KREMEN2: variants seen among roughly 807,000 people sequenced by gnomAD.
KREMEN2 encodes the protein kremen protein 2.
In KREMEN2, 43 loss-of-function variants were observed where a neutral mutation model predicts 49.8. The ratio of observed to expected loss-of-function variants is 0.86; its 90% CI spans 0.68 to 1.11. The LOEUF (loss-of-function observed/expected upper bound fraction) is 1.11, where lower values mean the gene tolerates loss of function less well. KREMEN2 is among the 50% of genes most tolerant of loss of function. The pLI, the probability that KREMEN2 is intolerant of heterozygous loss-of-function variation, is 0.00. For synonymous variants in KREMEN2, 355 were observed against 304.9 expected, an observed-to-expected ratio of 1.16 and a Z score of -1.71; for missense variants, 686 against 665.7, an observed-to-expected ratio of 1.03 and a Z score of -0.34.
chr16:2,966,939 A>G lies in KREMEN2; in HGVS notation c.670A>G (p.Thr224Ala). The change falls in exon 6 of 9, where the codon ACA becomes GCA. Residue 224 changes from threonine (T) to alanine (A), a missense_variant. By Grantham distance (58) the Thr-to-Ala change is moderately conservative. Transcript: ENST00000303746. The surrounding 1 kb of genome is among the most constrained non-coding windows in gnomAD (Gnocchi z 8.4). The stretch of plus-strand genomic sequence containing the variant: ...GGTGGGCTCCTGCCAGGGGAACTGG[A>G]CAGCGCCTCAGGGCGTCATCTACTC... ...VSVGSCQGNW[T>A]APQGVIYSPD... 2 of 1,554,850 alleles carry G rather than the reference A, an allele frequency of 1.3e-6. No individual in the cohort carries two copies. Among genetic ancestry groups the G allele is most frequent in the Non-Finnish European group, 1.7e-6 (2 of 1,148,530 alleles).
chr16:2,967,683 G>A (rs1596431208), intron 8 of KREMEN2, 79 bp downstream of exon 8: 3 of 1,546,138 alleles, frequency 1.9e-6, no homozygotes, highest in Non-Finnish European at 2.6e-6. Flanking sequence ...GAGCTAGGAA[G>A]GAACTCCTGG....
In KREMEN2 at chr16:2,968,242, T is replaced by TG; in HGVS notation, c.*227dup. On this transcript the variant is annotated 3_prime_UTR_variant, in exon 9 of 9. Transcript: ENST00000303746. The stretch of plus-strand genomic sequence containing the variant: ...CAGGCCCTCTCCATGGACCTGTATG[T>TG]GGGGGTGGTCTCTGGTTTCGGAGGT... 1.0e-6 allele frequency: 1 copy of TG among 966,826 alleles called. No individual in the cohort carries two copies. Among genetic ancestry groups the TG allele is most frequent in the South Asian group, 1.5e-5 (1 of 66,872 alleles). The allele number at this position is 966,826 out of a possible 1,614,324, so 59.9% of individuals were successfully genotyped here. A position where few individuals can be genotyped will look rare whatever the true frequency, so the allele number is the denominator to read the frequency against.
At chr16:2,965,112 G>A in intron 2 of KREMEN2, 79 bp downstream of exon 2, 1 of 1,271,180 alleles carries the variant, frequency 7.9e-7, no homozygotes, top group African/African-American at 1.6e-5. Context: ...CTCCGTGCGG[G>A]CGGGGTGGAG....
Position 2,968,114 on chromosome 16 carries a change from G to T in KREMEN2, c.*94G>T. 7.6e-7 allele frequency: 1 copy of T among 1,309,664 alleles called. No homozygotes were observed. The highest frequency in any genetic ancestry group is 1.1e-6 in the Non-Finnish European group (1 of 943,478). 81.1% of individuals were successfully genotyped at this position (1,309,664 alleles called of 1,614,324 possible). The stretch of plus-strand genomic sequence containing the variant: ...CTGCCTCGGCCTTGCGCCTGTGTAG[G>T]GGCAGCTCGGCCTCTGGTCGCCTTG... On this transcript the variant is annotated 3_prime_UTR_variant, in exon 9 of 9. Transcript: ENST00000303746.
chr16:2,967,400 G>C lies in KREMEN2; in HGVS notation c.1054G>C (p.Val352Leu), dbSNP rs2071850260. ...CGCGGCGCCCCTCGACGGGGCCAACGTGAGCTGCAGCCCCAGGCCTGGGGC... is the reference window on the plus strand; with the variant it reads ...CGCGGCGCCCCTCGACGGGGCCAACCTGAGCTGCAGCCCCAGGCCTGGGGC... ...TPAAPLDGANVSCSPRPGAPP... is the reference protein window; with the variant it reads ...TPAAPLDGANLSCSPRPGAPP... Residue 352 changes from valine to leucine, a missense_variant, in exon 7 of 9, where the codon GTG becomes CTG. Val to Leu is a conservative substitution (Grantham distance 32, BLOSUM62 1). Transcript: ENST00000303746. 7.2e-7 allele frequency: 1 copy of C among 1,397,588 alleles called. No individual in the cohort carries two copies. The highest frequency in any genetic ancestry group is 9.2e-7 in the Non-Finnish European group (1 of 1,088,310). 86.6% of individuals were successfully genotyped at this position (1,397,588 alleles called of 1,614,324 possible). A position where few individuals can be genotyped will look rare whatever the true frequency, so the allele number is the denominator to read the frequency against.
Position 2,966,251 on chromosome 16 carries a change from A to G in KREMEN2, c.361+20A>G. The G allele has an allele frequency of 1.2e-6, 2 of 1,613,362 alleles. No individual in the cohort carries two copies. The highest frequency in any genetic ancestry group is 2.2e-5 in the South Asian group (2 of 91,054). On this transcript the variant is annotated intron_variant, in intron 3 of 8. Coordinates refer to ENST00000303746, the MANE Select transcript of KREMEN2 (RefSeq NM_172229.3). This position sits in a 1 kb window ranked among gnomAD's most constrained non-coding sequence, Gnocchi z 8.4. ...GTCACAGTGAGTAGCGCGGCTGGACAGAGGTGGGAACGCTGCTGCATCTGG... is the reference window on the plus strand; with the variant it reads ...GTCACAGTGAGTAGCGCGGCTGGACGGAGGTGGGAACGCTGCTGCATCTGG...
chr16:2,967,147 C>T lies in KREMEN2; in HGVS notation c.878C>T (p.Pro293Leu). 1 of 1,389,642 alleles carries T rather than the reference C, an allele frequency of 7.2e-7. No individual in the cohort carries two copies. 86.1% of individuals were successfully genotyped at this position (1,389,642 alleles called of 1,614,324 possible). The stretch of plus-strand genomic sequence containing the variant: ...GCCTTCGATGGCGCCCGCCCACCGC[C>T]GTCCGGGCCGCTGCGCCTGGGCACT... ...LRAFDGARPP[P>L]SGPLRLGTAA... Residue 293 changes from proline to leucine, a missense_variant, in exon 6 of 9, where the codon CCG (proline) becomes CTG (leucine). Coordinates refer to ENST00000303746, the MANE Select transcript of KREMEN2 (RefSeq NM_172229.3).
chr16:2,966,007 G>T lies in KREMEN2; in HGVS notation c.270-133G>T, dbSNP rs2071809232. The T allele has an allele frequency of 2.8e-6, 2 of 719,620 alleles. No individual in the cohort carries two copies. The highest frequency in any genetic ancestry group is 2.6e-5 in the Admixed American group (1 of 39,038). The allele number at this position is 719,620 out of a possible 1,614,324, so 44.6% of individuals were successfully genotyped here. ...GCGTAGACAAAACTGGAATTTGTGG[G>T]TGTACAGCAGGCAGCACAGCCGCTC... is the stretch of plus-strand genomic sequence containing the variant. On this transcript the variant is annotated intron_variant, in intron 2 of 8. Transcript: ENST00000303746. This position sits in a 1 kb window ranked among gnomAD's most constrained non-coding sequence, Gnocchi z 8.4.
chr16:2,967,922 T>C lies in KREMEN2; in HGVS notation c.1291T>C (p.Ser431Pro). 6.4e-7 allele frequency: 1 copy of C among 1,573,952 alleles called. No homozygotes were observed. Residue 431 changes from serine to proline, a missense_variant, in exon 9 of 9, where the codon TCC (serine) becomes CCC (proline). Physicochemically the swap from Ser to Pro is moderately conservative, Grantham distance 74 (BLOSUM62 -1). Coordinates refer to ENST00000303746, the MANE Select transcript of KREMEN2 (RefSeq NM_172229.3). ...QQPRGVALPCSPGDPQAEGSA... is the reference protein window; with the variant it reads ...QQPRGVALPCPPGDPQAEGSA... ...GCCCCGAGGGGTGGCCTTGCCCTGC[T>C]CCCCCGGGGACCCCCAGGCTGAGGG...
chr16:2,967,013 C>G lies in KREMEN2; in HGVS notation c.744C>G (p.Ala248=), dbSNP rs762738520. 4 of 1,547,570 alleles carry G rather than the reference C, an allele frequency of 2.6e-6. No homozygotes were observed. The African/African-American group carries it at 5.5e-5, about 21-fold the overall frequency. ...GGCCGGACCGGAACTGCAGCTGGGC[C>G]CTGGGCCCGCCAGGCGCCGCGCTGG... ...EYGPDRNCSW[A]LGPPGAALEL... Residue 248 remains alanine (A), a synonymous_variant, in exon 6 of 9, where the codon GCC becomes GCG. Coordinates refer to ENST00000303746, the MANE Select transcript of KREMEN2 (RefSeq NM_172229.3).
chr16:2,968,104 G>A lies in KREMEN2; in HGVS notation c.*84G>A. 2.2e-6 allele frequency: 3 copies of A among 1,370,076 alleles called. No individual in the cohort carries two copies. Among genetic ancestry groups the A allele is most frequent in the Non-Finnish European group, 2.0e-6 (2 of 997,692 alleles). The allele number at this position is 1,370,076 out of a possible 1,614,324, so 84.9% of individuals were successfully genotyped here. A position where few individuals can be genotyped will look rare whatever the true frequency, so the allele number is the denominator to read the frequency against. The stretch of plus-strand genomic sequence containing the variant: ...GTGCTGCGCCCTGCCTCGGCCTTGC[G>A]CCTGTGTAGGGGCAGCTCGGCCTCT... On this transcript the variant is annotated 3_prime_UTR_variant, in exon 9 of 9. Coordinates refer to ENST00000303746, the MANE Select transcript of KREMEN2 (RefSeq NM_172229.3).
rs759793413 is a variant in KREMEN2, at chr16:2,966,597, C to T, written c.487-45C>T. On this transcript the variant is annotated intron_variant, in intron 4 of 8. Transcript: ENST00000303746. This position sits in a 1 kb window ranked among gnomAD's most constrained non-coding sequence, Gnocchi z 8.4. ...GACCCCAGGCCCCCACCACTTCACC[C>T]CTACCCCAGCCCCTGCCCTGGGGTC... The T allele has an allele frequency of 1.3e-6, 2 of 1,587,460 alleles. No individual in the cohort carries two copies. The highest frequency in any genetic ancestry group is 1.7e-6 in the Non-Finnish European group (2 of 1,171,184).
Position 2,966,824 on chromosome 16 carries a change from G to A in KREMEN2, c.640+29G>A. On this transcript the variant is annotated intron_variant, in intron 5 of 8. Transcript: ENST00000303746. This position sits in a 1 kb window ranked among gnomAD's most constrained non-coding sequence, Gnocchi z 8.4. The stretch of plus-strand genomic sequence containing the variant: ...AGGAGTGGGCGGGGACCAGGGGCCT[G>A]GGCGGGCCTCGAGGTGGGGCCTGGC... 13 of 1,603,282 alleles carry A rather than the reference G, an allele frequency of 8.1e-6. No homozygotes were observed. Among genetic ancestry groups the A allele is most frequent in the Non-Finnish European group, 1.1e-5 (13 of 1,175,606 alleles).
Position 2,968,159 on chromosome 16 carries a change from A to G in KREMEN2, c.*139A>G, listed in dbSNP as rs2071879528. ...GCCTTGGGGAGACCAAAAGTCGGACAGGAAACATCTGGTGCTATTATCTGG... is the reference window on the plus strand; with the variant it reads ...GCCTTGGGGAGACCAAAAGTCGGACGGGAAACATCTGGTGCTATTATCTGG... On this transcript the variant is annotated 3_prime_UTR_variant, in exon 9 of 9. Transcript: ENST00000303746. The G allele has an allele frequency of 1.0e-6, 1 of 1,003,870 alleles. No individual in the cohort carries two copies. Among genetic ancestry groups the G allele is most frequent in the Non-Finnish European group, 1.5e-6 (1 of 669,066 alleles). The allele number at this position is 1,003,870 out of a possible 1,614,324, so 62.2% of individuals were successfully genotyped here.
rs1157647447 is a variant in KREMEN2, at chr16:2,965,034, G to T, written c.269+1G>T. The T allele has an allele frequency of 1.3e-6, 2 of 1,534,130 alleles. No individual in the cohort carries two copies. The highest frequency in any genetic ancestry group is 1.7e-6 in the Non-Finnish European group (2 of 1,143,510). On this transcript the variant is annotated splice_donor_variant, in intron 2 of 8. Coordinates refer to ENST00000303746, the MANE Select transcript of KREMEN2 (RefSeq NM_172229.3). LOFTEE classifies it high-confidence loss of function. ...GGCTGGGCGCGCACAACTTCTGCCG[G>T]TGAGGGGCGGGGCCTGCGCTGGGGG...
In KREMEN2 at chr16:2,967,156, C is replaced by A; in HGVS notation, c.887C>A (p.Pro296Gln). The A allele has an allele frequency of 7.2e-7, 1 of 1,385,946 alleles. No homozygotes were observed. The highest frequency in any genetic ancestry group is 9.3e-7 in the Non-Finnish European group (1 of 1,078,902). The allele number at this position is 1,385,946 out of a possible 1,614,324, so 85.9% of individuals were successfully genotyped here. ...FDGARPPPSGPLRLGTAALLL... is the reference protein window; with the variant it reads ...FDGARPPPSGQLRLGTAALLL... ...GGCGCCCGCCCACCGCCGTCCGGGCCGCTGCGCCTGGGCACTGCCGCGCTG... is the reference window on the plus strand; with the variant it reads ...GGCGCCCGCCCACCGCCGTCCGGGCAGCTGCGCCTGGGCACTGCCGCGCTG... The change falls in exon 6 of 9, where the codon CCG (proline) becomes CAG (glutamine). Residue 296 changes from proline to glutamine, a missense_variant. Coordinates refer to ENST00000303746, the MANE Select transcript of KREMEN2 (RefSeq NM_172229.3).
At position 2,965,018 on chromosome 16, in the gene KREMEN2, C is replaced by T; in HGVS notation, c.254C>T (p.Ala85Val). The change falls in exon 2 of 9, where the codon GCG becomes GTG. Residue 85 changes from alanine (A) to valine (V), a missense_variant. Coordinates refer to ENST00000303746, the MANE Select transcript of KREMEN2 (RefSeq NM_172229.3). ...SDPHGRWGLG[A>V]HNFCRNPDGD... ...CCCCACGGCCGCTGGGGGCTGGGCG[C>T]GCACAACTTCTGCCGGTGAGGGGCG... 5.2e-6 allele frequency: 8 copies of T among 1,546,576 alleles called. No homozygotes were observed. Among genetic ancestry groups the T allele is most frequent in the Non-Finnish European group, 7.0e-6 (8 of 1,148,474 alleles).
In KREMEN2 at chr16:2,968,158, C is replaced by T; in HGVS notation, c.*138C>T. 1.0e-6 allele frequency: 1 copy of T among 1,001,950 alleles called. No individual in the cohort carries two copies. 62.1% of individuals were successfully genotyped at this position (1,001,950 alleles called of 1,614,324 possible). ...CGCCTTGGGGAGACCAAAAGTCGGA[C>T]AGGAAACATCTGGTGCTATTATCTG... On this transcript the variant is annotated 3_prime_UTR_variant, in exon 9 of 9. Transcript: ENST00000303746.
At position 2,968,143 on chromosome 16, in the gene KREMEN2, A is replaced by C; in HGVS notation, c.*123A>C. 1 of 1,102,060 alleles carries C rather than the reference A, an allele frequency of 9.1e-7. No individual in the cohort carries two copies. Among genetic ancestry groups the C allele is most frequent in the Non-Finnish European group, 1.3e-6 (1 of 757,510 alleles). The allele number at this position is 1,102,060 out of a possible 1,614,324, so 68.3% of individuals were successfully genotyped here. ...AGCTCGGCCTCTGGTCGCCTTGGGG[A>C]GACCAAAAGTCGGACAGGAAACATC... On this transcript the variant is annotated 3_prime_UTR_variant, in exon 9 of 9. Transcript: ENST00000303746.
Sources: gnomAD v4.1 joint callset for allele counts on GRCh38, gnomAD v4.1.1 for gene constraint, Gnocchi (gnomAD v3.1) non-coding constraint, MANE v1.5 for transcripts, NCBI Gene and HGNC (gene_info 2026-07-23, HGNC 2026-07-21) for gene names.